The following NECAB2 variants were observed in gnomAD, a reference collection of about 807,000 sequenced individuals.
NECAB2 encodes N-terminal EF-hand calcium-binding protein 2.
Under a neutral mutation model 51.9 loss-of-function variants are expected in NECAB2, and 68 were observed. The observed-to-expected ratio is 1.31, with a 90% CI of 1.08 to 1.60. NECAB2 has a LOEUF of 1.60. Among genes scored for constraint, NECAB2 ranks in the 40% most tolerant of loss-of-function variants. The pLI is 0.00. For missense variants in NECAB2, 854 were observed against 490.3 expected (o/e 1.74, Z -7.00); for synonymous variants, 329 against 203.5 (o/e 1.62, Z -5.25).
At chr16:83,973,830 G>A (rs2084374140) in intron 2 of NECAB2, among the ~76,000 whole-genome samples, 1 of 152,102 alleles carries the variant, frequency 6.6e-6, no homozygotes, top group African/African-American at 2.4e-5. Context: ...TGAGGCTGTT[G>A]GGAATGCGTG....
chr16:83,981,537 C>T (rs1478451483), intron 5 of NECAB2, among the ~76,000 whole-genome samples: 3 of 152,120 alleles, frequency 2.0e-5, no homozygotes, highest in Non-Finnish European at 4.4e-5. Flanking sequence ...GTTCTCGATG[C>T]TCAGCACCTG....
Position 83,970,555 on chromosome 16 carries a change from C to T in NECAB2, c.202-1596C>T, listed in dbSNP as rs567111005. On this transcript the variant is annotated intron_variant, in intron 1 of 12. Transcript: ENST00000305202. Reference sequence around the variant, plus strand: ...CCAAGGGTGCCCCCTTTCTCGTTGCCTGGAGGGATGGGGGGCGAGGGCATC... The same window carrying T: ...CCAAGGGTGCCCCCTTTCTCGTTGCTTGGAGGGATGGGGGGCGAGGGCATC... Among the ~76,000 whole-genome samples, 58 of 152,250 alleles carry T rather than the reference C, an allele frequency of 3.8e-4. 1 individual carries two copies. Among genetic ancestry groups the T allele is most frequent in the African/African-American group, 1.3e-3 (55 of 41,532 alleles).
intron 6 of NECAB2, among the ~76,000 whole-genome samples, chr16:83,992,469 G>C (rs1185600374): frequency 6.7e-6 from 1 of 149,620 alleles, no homozygotes; most frequent in African/African-American, 2.5e-5. Flanking sequence ...TGACACAGAA[G>C]AAAAAGAGAA....
chr16:84,000,751 C>T lies in NECAB2; in HGVS notation c.990C>T (p.Gly330=), dbSNP rs750956946. 4 of 1,613,924 alleles carry T rather than the reference C, an allele frequency of 2.5e-6. No individual in the cohort carries two copies. The highest frequency in any genetic ancestry group is 3.4e-6 in the Non-Finnish European group (4 of 1,179,980). Residue 330 remains glycine (G), a synonymous_variant, in exon 11 of 13, where the codon GGC becomes GGT. Transcript: ENST00000305202. ...TCACTGCCGTGAGGCTCTCAGATGG[C>T]TTCACCTTTGTCATCTATGAGTTCT... ...FHITAVRLSD[G]FTFVIYEFWE...
intron 9 of NECAB2, 28 bp from the exon 10 acceptor site, chr16:83,998,177 C>G (rs777928717): frequency 6.3e-7 from 1 of 1,597,828 alleles, no homozygotes; most frequent in Non-Finnish European, 8.5e-7. Flanking sequence ...ACGTGGAGCC[C>G]CACACTGACT....
Position 84,001,845 on chromosome 16 carries a change from G to T in NECAB2, c.1061G>T (p.Cys354Phe), listed in dbSNP as rs1206814915. ...CACAGGCACCTGCAGAGCCCCCTGT[G>T]TAAGGCGTTCCGGCACGTCAAGGTG... ...AWKRHLQSPL[C>F]KAFRHVKVDT... Residue 354 changes from cysteine (C) to phenylalanine (F), a missense_variant, in exon 12 of 13, where the codon TGT becomes TTT. Physicochemically the swap from Cys to Phe is radical, Grantham distance 205. Coordinates refer to ENST00000305202, the MANE Select transcript of NECAB2 (RefSeq NM_019065.3). 2.5e-6 allele frequency: 4 copies of T among 1,614,002 alleles called. No homozygotes were observed. Among genetic ancestry groups the T allele is most frequent in the African/African-American group, 1.3e-5 (1 of 74,928 alleles).
In NECAB2 at chr16:83,997,215, G is replaced by A; in HGVS notation, c.796-1G>A. ...CATCACTGTGTGCTGGATTGTTTCA[G>A]GCACTGTGGTTCGACCTGCAGCAGC... On this transcript the variant is annotated splice_acceptor_variant, in intron 8 of 12. Coordinates refer to ENST00000305202, the MANE Select transcript of NECAB2 (RefSeq NM_019065.3). LOFTEE classifies it high-confidence loss of function. The A allele has an allele frequency of 6.2e-7, 1 of 1,614,132 alleles. No individual in the cohort carries two copies. Among genetic ancestry groups the A allele is most frequent in the Non-Finnish European group, 8.5e-7 (1 of 1,180,020 alleles).
chr16:84,000,587 A>C, intron 10 of NECAB2, 137 bp from the exon 11 acceptor site: 1 of 639,532 alleles, frequency 1.6e-6, no homozygotes, highest in Non-Finnish European at 2.7e-6. Flanking sequence ...TCGAGTCTCG[A>C]TGGAGGTCAA....
intron 5 of NECAB2, among the ~76,000 whole-genome samples, chr16:83,983,775 T>C (rs934882978): frequency 6.6e-6 from 1 of 152,130 alleles, no homozygotes; most frequent in African/African-American, 2.4e-5. Context: ...GGATGATAGC[T>C]TGGGAATGAT....
chr16:83,997,413 C>T (rs944153583), intron 9 of NECAB2, 144 bp downstream of exon 9: 2 of 1,029,492 alleles, frequency 1.9e-6, no homozygotes, highest in Non-Finnish European at 2.9e-6. Context: ...GCTTGGCACC[C>T]AGACCCTGCC....
At chr16:83,999,830 G>A (rs575887187) in intron 10 of NECAB2, among the ~76,000 whole-genome samples, 3 of 152,194 alleles carry the variant, frequency 2.0e-5, no homozygotes, top group East Asian at 1.9e-4. Flanking sequence ...TAAATGAGAG[G>A]ACAAGTAGAA....
At chr16:83,984,696 A>G (rs1293798588) in intron 5 of NECAB2, among the ~76,000 whole-genome samples, 1 of 152,140 alleles carries the variant, frequency 6.6e-6, no homozygotes, top group Non-Finnish European at 1.5e-5. Flanking sequence ...TGCCGCTGCA[A>G]CCCAACCTGG....
At position 84,002,645 on chromosome 16, in the gene NECAB2, A is replaced by C; in HGVS notation, c.*299A>C. ...CCTACCCCTCACATGGCCACGCATG[A>C]CCCACACTGACCACACCCTGCCCTC... On this transcript the variant is annotated 3_prime_UTR_variant, in exon 13 of 13. Transcript: ENST00000305202. 1 of 513,674 alleles carries C rather than the reference A, an allele frequency of 1.9e-6. No individual in the cohort carries two copies. The highest frequency in any genetic ancestry group is 2.2e-5 in the South Asian group (1 of 46,360). 31.8% of individuals were successfully genotyped at this position (513,674 alleles called of 1,614,324 possible). A position where few individuals can be genotyped will look rare whatever the true frequency, so the allele number is the denominator to read the frequency against.
At chr16:83,976,068 G>A (rs1020354055) in intron 2 of NECAB2, among the ~76,000 whole-genome samples, 2 of 152,140 alleles carry the variant, frequency 1.3e-5, no homozygotes, top group African/African-American at 2.4e-5. Context: ...TGCTCTCCCT[G>A]TGTGCAGAGG....
In NECAB2 at chr16:84,002,524, G is replaced by A; in HGVS notation, c.*178G>A. 2 of 789,322 alleles carry A rather than the reference G, an allele frequency of 2.5e-6. No individual in the cohort carries two copies. The highest frequency in any genetic ancestry group is 2.3e-5 in the Admixed American group (1 of 42,818). 48.9% of individuals were successfully genotyped at this position (789,322 alleles called of 1,614,324 possible). On this transcript the variant is annotated 3_prime_UTR_variant, in exon 13 of 13. Coordinates refer to ENST00000305202, the MANE Select transcript of NECAB2 (RefSeq NM_019065.3). ...GCCCCTGCCCCCACCTGAGAAGGCAGAGCAGTGTCTGTGCTGCCAGGTCCT... is the reference window on the plus strand; with the variant it reads ...GCCCCTGCCCCCACCTGAGAAGGCAAAGCAGTGTCTGTGCTGCCAGGTCCT...
rs544520806 is a variant in NECAB2 at position 83,997,770 on chromosome 16, G to C, written c.850-435G>C. Among the ~76,000 whole-genome samples the C allele has an allele frequency of 3.9e-5, 6 of 152,208 alleles. No homozygotes were observed. In the East Asian group the frequency reaches 1.2e-3, roughly 30 times the overall value. ...GGCCTCCTAAAGTGCTGAGATTACA[G>C]GCGTGAGCCACCACACCTGGCCCAG... On this transcript the variant is annotated intron_variant, in intron 9 of 12. Coordinates refer to ENST00000305202, the MANE Select transcript of NECAB2 (RefSeq NM_019065.3).
At chr16:84,000,200 C>G (rs1167414251) in intron 10 of NECAB2, among the ~76,000 whole-genome samples, 1 of 152,182 alleles carries the variant, frequency 6.6e-6, no homozygotes, top group Non-Finnish European at 1.5e-5. Context: ...TCACATCCAG[C>G]CACCTGGTTT....
rs560254929 is a variant in NECAB2 at position 83,992,927 on chromosome 16, G to A, written c.597-1375G>A. Among the ~76,000 whole-genome samples the A allele has an allele frequency of 7.9e-5, 12 of 151,788 alleles. 2 individuals are homozygous for A. The highest frequency in any genetic ancestry group is 4.2e-4 in the South Asian group (2 of 4,814). On this transcript the variant is annotated intron_variant, in intron 6 of 12. Transcript: ENST00000305202. ...AAAAACTTGCTGTTTTTCTCCTGCC[G>A]CAGAACAGATAGTATGGCTGCGCAG...
rs2292329 is a variant in NECAB2 at position 83,998,279 on chromosome 16, G to C, written c.924G>C (p.Gln308His). ...QLSEFLDSLR[Q>H]YLRGTTGVRN... The stretch of plus-strand genomic sequence containing the variant: ...GCGAGTTTCTGGACTCTCTGCGCCA[G>C]TATCTGCGGGGGACCACTGGCGTGA... Residue 308 changes from glutamine to histidine, a missense_variant, in exon 10 of 13, where the codon CAG becomes CAC. Gln to His is a conservative substitution (Grantham distance 24, BLOSUM62 0). Coordinates refer to ENST00000305202, the MANE Select transcript of NECAB2 (RefSeq NM_019065.3). 0.012 allele frequency: 19,868 copies of C among 1,613,496 alleles called. 560 individuals are homozygous for C. Among genetic ancestry groups the C allele is most frequent in the Admixed American group, 0.09 (5,399 of 59,990 alleles).
Sources: gnomAD v4.1 joint callset for allele counts (sites outside exome capture counted in the v4.1 genomes callset) on GRCh38, gnomAD v4.1.1 for gene constraint, MANE v1.5 for transcripts, NCBI Gene and HGNC (gene_info 2026-07-23, HGNC 2026-07-21) for gene names.